MAPK9: variants seen among roughly 807,000 people sequenced by gnomAD.
MAPK9 encodes the protein Jun kinase.
In MAPK9, 30 loss-of-function variants were observed where a neutral mutation model predicts 57.1. The ratio of observed to expected loss-of-function variants is 0.53; its 90% CI spans 0.39 to 0.71. MAPK9 has a LOEUF of 0.71. Among genes scored for constraint, MAPK9 ranks in the 30% least tolerant of loss-of-function variants. The probability of loss-of-function intolerance (pLI) is 0.00; values close to 1 mark genes in which losing one functional copy is unlikely to be tolerated. For missense variants in MAPK9, 362 were observed against 521.0 expected, an observed-to-expected ratio of 0.69 and a Z score of 2.97; for synonymous variants, 155 against 177.0, an observed-to-expected ratio of 0.88 and a Z score of 0.99.
At chr5:180,261,974 GAATATATAAATAACAA>G in intron 4 of MAPK9, 152 bp from the exon 5 acceptor site, 1 of 543,872 alleles carries the variant, frequency 1.8e-6, no homozygotes, top group East Asian at 3.2e-5. Flanking sequence ...ATTTTCCAAA[GAATATATAAATAACAA>G]ACTTAACGTC....
intron 3 of MAPK9, among the ~76,000 whole-genome samples, chr5:180,268,376 C>T (rs1473254294): frequency 6.6e-6 from 1 of 152,162 alleles, no homozygotes; most frequent in African/African-American, 2.4e-5. Flanking sequence ...AACATCTTTC[C>T]ACAAAATATT....
At chr5:180,243,873 A>G (rs1291488452) in intron 7 of MAPK9, among the ~76,000 whole-genome samples, 1 of 152,178 alleles carries the variant, frequency 6.6e-6, no homozygotes, top group Non-Finnish European at 1.5e-5. Context: ...ATAAAGACAG[A>G]GTCTCGCTCT....
chr5:180,270,103 C>A (rs1341480329), intron 2 of MAPK9, among the ~76,000 whole-genome samples: 6 of 152,094 alleles, frequency 3.9e-5, no homozygotes, highest in Non-Finnish European at 8.8e-5. Flanking sequence ...AATCAAGTAG[C>A]CTGATTACAC....
chr5:180,240,021 A>G (rs377558430), intron 9 of MAPK9, 34 bp from the exon 10 acceptor site: 460 of 1,550,898 alleles, frequency 3.0e-4, no homozygotes, highest in Non-Finnish European at 3.7e-4. Flanking sequence ...GTCAACAGTA[A>G]TGCCTCAAAA....
chr5:180,244,647 G>A (rs1172248702), intron 7 of MAPK9, among the ~76,000 whole-genome samples: 3 of 152,038 alleles, frequency 2.0e-5, no homozygotes, highest in Admixed American at 6.5e-5. Flanking sequence ...GGTGGCGGGC[G>A]CCTGTAATCC....
chr5:180,235,750 A>G lies in MAPK9; in HGVS notation c.*634T>C, dbSNP rs539832060. ...CATAAGTGTCTTGGTTTTAGCCGTG[A>G]TAATTCTCAGCCCCAAACATCACAA... On this transcript the variant is annotated 3_prime_UTR_variant, in exon 12 of 12. Coordinates refer to ENST00000452135, the MANE Select transcript of MAPK9 (RefSeq NM_002752.5). 5 of 152,380 alleles carry G rather than the reference A, an allele frequency of 3.3e-5. No individual in the cohort carries two copies. The highest frequency in any genetic ancestry group is 1.2e-4 in the African/African-American group (5 of 41,590). The allele number at this position is 152,380 out of a possible 1,614,324, so 9.4% of individuals were successfully genotyped here.
chr5:180,255,064 G>A (rs553574141), intron 5 of MAPK9, among the ~76,000 whole-genome samples: 10 of 152,124 alleles, frequency 6.6e-5, no homozygotes, highest in Non-Finnish European at 1.2e-4. Context: ...AAGAAACTCC[G>A]GAGCCATGCT....
At chr5:180,275,925 C>T (rs182356492) in intron 2 of MAPK9, among the ~76,000 whole-genome samples, 2 of 152,346 alleles carry the variant, frequency 1.3e-5, no homozygotes, top group Non-Finnish European at 2.9e-5. Flanking sequence ...TTTGTTAAAA[C>T]TGTCTTCCAC....
At chr5:180,240,874 C>T (rs577992261) in intron 9 of MAPK9, among the ~76,000 whole-genome samples, 157 bp downstream of exon 9, 3 of 152,342 alleles carry the variant, frequency 2.0e-5, no homozygotes, top group Non-Finnish European at 2.9e-5. Flanking sequence ...AAAGAGCAAG[C>T]GACCCAGGTC....
At chr5:180,287,412 A>G (rs1323258107) in intron 1 of MAPK9, among the ~76,000 whole-genome samples, 2 of 152,220 alleles carry the variant, frequency 1.3e-5, no homozygotes, top group East Asian at 3.8e-4. Context: ...ATTTCAAAAT[A>G]TGGAAAGAAA....
intron 8 of MAPK9, 99 bp downstream of exon 8, chr5:180,242,474 T>G: frequency 8.7e-7 from 1 of 1,145,168 alleles, no homozygotes; most frequent in Non-Finnish European, 1.2e-6. Context: ...TAAAATGACT[T>G]TCTCTCCCAA....
chr5:180,264,698 C>T, intron 4 of MAPK9, 83 bp downstream of exon 4: 6 of 1,307,754 alleles, frequency 4.6e-6, no homozygotes, highest in Non-Finnish European at 6.2e-6. Context: ...CCTACATTTC[C>T]TAAGTATAAA....
intron 5 of MAPK9, among the ~76,000 whole-genome samples, chr5:180,256,778 C>G (rs1277708822): frequency 6.6e-6 from 1 of 152,174 alleles, no homozygotes; most frequent in Non-Finnish European, 1.5e-5. Flanking sequence ...CACAAAGCCC[C>G]CAGTGACAGG....
intron 5 of MAPK9, chr5:180,253,389 C>T (rs1235296172): frequency 6.6e-6 from 1 of 152,476 alleles, no homozygotes; most frequent in Non-Finnish European, 1.5e-5. Flanking sequence ...TGCAGGGCCG[C>T]CCAAATGCCC....
rs937698129 is a variant in MAPK9 at position 180,252,370 on chromosome 5, G to A, written c.451-3232C>T. ...AGCTGCGGCCAGGACTGCCAGTGCC[G>A]TAAGCCTGTGGCCGTCTGGGGTCAT... On this transcript the variant is annotated intron_variant, in intron 5 of 11. Coordinates refer to ENST00000452135, the MANE Select transcript of MAPK9 (RefSeq NM_002752.5). Among the ~76,000 whole-genome samples the A allele has an allele frequency of 9.2e-5, 14 of 152,104 alleles. No individual in the cohort carries two copies. In the East Asian group the frequency reaches 9.7e-4, roughly 10 times the overall value.
chr5:180,236,463 A>C lies in MAPK9; in HGVS notation c.1196T>G (p.Met399Arg), dbSNP rs765017960. The change falls in exon 12 of 12, where the codon ATG (methionine) becomes AGG (arginine). Residue 399 changes from methionine to arginine, a missense_variant. Transcript: ENST00000452135. ...QSSSINDISS[M>R]STEQTLASDT... ...TGAGGCCAGCGTCTGCTCAGTGGACATGGATGAAATGTCATTGATCGATGA... is the reference window on the plus strand; with the variant it reads ...TGAGGCCAGCGTCTGCTCAGTGGACCTGGATGAAATGTCATTGATCGATGA... 3 of 1,614,144 alleles carry C rather than the reference A, an allele frequency of 1.9e-6. No homozygotes were observed. Among genetic ancestry groups the C allele is most frequent in the Non-Finnish European group, 2.5e-6 (3 of 1,179,966 alleles).
intron 1 of MAPK9, among the ~76,000 whole-genome samples, chr5:180,281,102 A>G (rs550829039): frequency 2.6e-5 from 4 of 152,314 alleles, no homozygotes; most frequent in South Asian, 4.1e-4. Flanking sequence ...AAAAAGCAAG[A>G]TTCATACGCC....
intron 5 of MAPK9, among the ~76,000 whole-genome samples, chr5:180,252,522 C>T (rs530724941): frequency 2.3e-4 from 35 of 152,294 alleles, no homozygotes; most frequent in African/African-American, 7.9e-4. Flanking sequence ...ACCCCGGGCC[C>T]TGCAGGGTGT....
rs372942401 is a variant in MAPK9 at position 180,280,488 on chromosome 5, C to T, written c.74G>A (p.Arg25His). ...VADSTFTVLK[R>H]YQQLKPIGSG... Reference sequence around the variant, plus strand: ...GCCAATTGGTTTCAGCTGCTGGTAACGTTTTAGGACAGTGAAGGTTGAGTC... The same window carrying T: ...GCCAATTGGTTTCAGCTGCTGGTAATGTTTTAGGACAGTGAAGGTTGAGTC... The change falls in exon 2 of 12, where the codon CGT becomes CAT. Residue 25 changes from arginine to histidine, a missense_variant. Arg to His is a conservative substitution (Grantham distance 29, BLOSUM62 0). Around this residue, in one of 3 missense-constraint regions of MAPK9, gnomAD observed 36 missense variants for 38.0 expected, o/e 0.95. Transcript: ENST00000452135. 40 of 1,614,076 alleles carry T rather than the reference C, an allele frequency of 2.5e-5. No individual in the cohort carries two copies. Among genetic ancestry groups the T allele is most frequent in the Non-Finnish European group, 3.2e-5 (38 of 1,180,036 alleles).
Sources: allele counts gnomAD v4.1 joint callset (sites outside exome capture counted in the v4.1 genomes callset), GRCh38; gene constraint gnomAD v4.1.1; regional missense constraint gnomAD v4.1.1; transcripts MANE v1.5; gene names NCBI Gene and HGNC (gene_info 2026-07-23, HGNC 2026-07-21).